The following SNTG2 variants were observed in gnomAD, a reference collection of about 807,000 sequenced individuals.
SNTG2 encodes syntrophin gamma 2.
In SNTG2, 74 loss-of-function variants were observed where a neutral mutation model predicts 70.9. The observed-to-expected ratio is 1.04, with a 90% CI of 0.86 to 1.27. SNTG2 has a LOEUF of 1.27. Among genes scored for constraint, SNTG2 ranks in the 50% most tolerant of loss-of-function variants. The pLI is 0.00. For synonymous variants in SNTG2, 278 were observed against 273.8 expected (o/e 1.02, Z -0.15); for missense variants, 717 against 690.7 (o/e 1.04, Z -0.43).
chr2:1,089,086 A>G (rs960414629), intron 2 of SNTG2, among the ~76,000 whole-genome samples: 2 of 152,224 alleles, frequency 1.3e-5, no homozygotes, highest in Admixed American at 1.3e-4. Context: ...TTCAGGAGAA[A>G]AGTGGACAGT....
intron 9 of SNTG2, among the ~76,000 whole-genome samples, chr2:1,213,927 A>G (rs1674210374): frequency 6.7e-6 from 1 of 149,608 alleles, no homozygotes; most frequent in Admixed American, 6.6e-5. Flanking sequence ...TGATTTTTGC[A>G]TATGGTGTGA....
chr2:1,306,207 G>A (rs984848677), intron 14 of SNTG2, among the ~76,000 whole-genome samples: 1 of 152,080 alleles, frequency 6.6e-6, no homozygotes, highest in Non-Finnish European at 1.5e-5. Context: ...GACTCTCATC[G>A]CCAATGCCAA....
intron 9 of SNTG2, among the ~76,000 whole-genome samples, chr2:1,227,032 C>T (rs550230026): frequency 6.6e-6 from 1 of 152,366 alleles, no homozygotes; most frequent in African/African-American, 2.4e-5. Context: ...GCTGTCTGCC[C>T]TAAGGGAGAG....
At chr2:1,003,449 G>C (rs767376699) in intron 1 of SNTG2, among the ~76,000 whole-genome samples, 4 of 152,148 alleles carry the variant, frequency 2.6e-5, no homozygotes. Flanking sequence ...CCAGTTGGAG[G>C]CTTCCATAAT....
chr2:1,047,730 T>C (rs1238084853), intron 1 of SNTG2, among the ~76,000 whole-genome samples: 1 of 152,240 alleles, frequency 6.6e-6, no homozygotes, highest in Non-Finnish European at 1.5e-5. Context: ...TGGTTCCTTT[T>C]TATTTCCTCA....
At chr2:1,096,140 C>T (rs973651721) in intron 2 of SNTG2, among the ~76,000 whole-genome samples, 1 of 152,116 alleles carries the variant, frequency 6.6e-6, no homozygotes, top group Non-Finnish European at 1.5e-5. Flanking sequence ...CCCTCTCCCT[C>T]CTCTATAGAG....
chr2:1,125,901 A>G (rs1667671517), intron 4 of SNTG2, among the ~76,000 whole-genome samples: 1 of 152,200 alleles, frequency 6.6e-6, no homozygotes, highest in Admixed American at 6.5e-5. Flanking sequence ...TTTATGGGGT[A>G]CATAATGATG....
At chr2:1,359,473 A>G (rs988947963) in intron 16 of SNTG2, among the ~76,000 whole-genome samples, 3 of 152,082 alleles carry the variant, frequency 2.0e-5, no homozygotes, top group Non-Finnish European at 4.4e-5. Flanking sequence ...AACAATTTCT[A>G]TTTTGTCTAA....
At chr2:1,111,051 C>T (rs1467328391) in intron 4 of SNTG2, among the ~76,000 whole-genome samples, 1 of 152,136 alleles carries the variant, frequency 6.6e-6, no homozygotes, top group Non-Finnish European at 1.5e-5. Flanking sequence ...GTTAGCTTTC[C>T]GTAAGAATGA....
chr2:1,189,835 C>T (rs559555395), intron 8 of SNTG2, among the ~76,000 whole-genome samples: 1 of 152,258 alleles, frequency 6.6e-6, no homozygotes, highest in East Asian at 1.9e-4. Context: ...GCGTGAGCCA[C>T]CGTGCCCGGC....
At chr2:1,172,789 T>G (rs1165944277) in intron 7 of SNTG2, among the ~76,000 whole-genome samples, 1 of 152,132 alleles carries the variant, frequency 6.6e-6, no homozygotes, top group Non-Finnish European at 1.5e-5. Flanking sequence ...CAGGGGGTCA[T>G]GTTGACAGGG....
chr2:1,028,531 G>A (rs940912161), intron 1 of SNTG2, among the ~76,000 whole-genome samples: 2 of 152,194 alleles, frequency 1.3e-5, no homozygotes, highest in South Asian at 2.1e-4. Context: ...CTAGACGGGA[G>A]GCCTGGTGTC....
intron 14 of SNTG2, among the ~76,000 whole-genome samples, chr2:1,273,108 C>G (rs1679121706): frequency 6.6e-6 from 1 of 152,188 alleles, no homozygotes; most frequent in South Asian, 2.1e-4. Context: ...GAGCACGCCC[C>G]TGCCTGCCCG....
intron 1 of SNTG2, among the ~76,000 whole-genome samples, chr2:1,037,663 C>T (rs527335072): frequency 4.9e-4 from 74 of 152,162 alleles, no homozygotes; most frequent in African/African-American, 1.6e-3. Context: ...GAACATAGGA[C>T]GTCTGATGCT....
chr2:984,621 CA>C (rs1288683431), intron 1 of SNTG2, among the ~76,000 whole-genome samples: 1 of 152,216 alleles, frequency 6.6e-6, no homozygotes, highest in Non-Finnish European at 1.5e-5. Flanking sequence ...GCCATGAGGT[CA>C]GCTGTGGCCC....
At chr2:1,155,176 C>CACACA (rs547352326) in intron 6 of SNTG2, among the ~76,000 whole-genome samples, 26 of 147,352 alleles carry the variant, frequency 1.8e-4, no homozygotes, top group East Asian at 1.6e-3. Context: ...TAGACCCCCC[C>CACACA]CCCACACACA....
chr2:1,183,910 T>A (rs1672090290), intron 8 of SNTG2, among the ~76,000 whole-genome samples: 1 of 152,224 alleles, frequency 6.6e-6, no homozygotes, highest in African/African-American at 2.4e-5. Context: ...GGAAAGGTGC[T>A]TTCTACTTCT....
intron 14 of SNTG2, among the ~76,000 whole-genome samples, chr2:1,307,385 C>T (rs13021490): frequency 0.13 from 17,423 of 135,818 alleles, 1,125 homozygotes; most frequent in South Asian, 0.26. Context: ...ATGGTGTTAG[C>T]GGTGCACTGT....
At chr2:1,000,236 G>A (rs902929502) in intron 1 of SNTG2, among the ~76,000 whole-genome samples, 2 of 151,284 alleles carry the variant, frequency 1.3e-5, no homozygotes, top group African/African-American at 4.8e-5. Context: ...AGGAAAAGAA[G>A]AACAAACCAA....
Sources: gnomAD v4.1 joint callset for allele counts (sites outside exome capture counted in the v4.1 genomes callset) on GRCh38, gnomAD v4.1.1 for gene constraint, MANE v1.5 for transcripts, NCBI Gene and HGNC (gene_info 2026-07-23, HGNC 2026-07-21) for gene names.